The following DLGAP2 variants were observed in gnomAD, a reference collection of about 807,000 sequenced individuals.
DLGAP2 encodes the protein DLG associated protein 2.
A neutral mutation model predicts 100.3 loss-of-function variants in DLGAP2; 26 were observed. The ratio of observed to expected loss-of-function variants is 0.26; its 90% CI spans 0.19 to 0.36. The LOEUF (loss-of-function observed/expected upper bound fraction) is 0.36, where lower values mean the gene tolerates loss of function less well. Among genes scored for constraint, DLGAP2 ranks in the 10% least tolerant of loss-of-function variants. DLGAP2 has a pLI of 1.00. For missense variants in DLGAP2, 1,858 were observed against 1,453.2 expected (o/e 1.28, Z -4.53); for synonymous variants, 886 against 630.1 (o/e 1.41, Z -6.08).
intron 3 of DLGAP2, among the ~76,000 whole-genome samples, chr8:1,260,514 A>C (rs1799324269): frequency 6.6e-6 from 1 of 152,152 alleles, no homozygotes; most frequent in African/African-American, 2.4e-5. Flanking sequence ...TTTCCCAGTA[A>C]ATCTGAATCC....
chr8:958,038 C>T (rs367660367), intron 2 of DLGAP2, among the ~76,000 whole-genome samples: 14 of 152,260 alleles, frequency 9.2e-5, no homozygotes, highest in African/African-American at 2.6e-4. Flanking sequence ...CAGCAGCCCT[C>T]GCTAACCCAC....
chr8:1,463,990 TGAAACCTGGAAGAAAAA>T (rs1467449281), intron 3 of DLGAP2, among the ~76,000 whole-genome samples: 3 of 152,146 alleles, frequency 2.0e-5, no homozygotes, highest in Admixed American at 6.5e-5. Context: ...AGGAAGGAGC[TGAAACCTGGAAGAAAAA>T]GACCAAAGTA....
chr8:958,797 T>C (rs1022443511), intron 2 of DLGAP2, among the ~76,000 whole-genome samples: 1 of 152,176 alleles, frequency 6.6e-6, no homozygotes, highest in East Asian at 1.9e-4. Flanking sequence ...AAAGGGCATA[T>C]TGTGAGACTT....
intron 3 of DLGAP2, among the ~76,000 whole-genome samples, chr8:1,294,898 T>TA (rs1800136515): frequency 6.6e-6 from 1 of 151,744 alleles, no homozygotes; most frequent in Admixed American, 6.6e-5. Context: ...CTTTTTTTTT[T>TA]AAGTTACTAA....
At chr8:1,086,967 A>G (rs1007797828) in intron 2 of DLGAP2, among the ~76,000 whole-genome samples, 1 of 152,236 alleles carries the variant, frequency 6.6e-6, no homozygotes, top group African/African-American at 2.4e-5. Flanking sequence ...CTTCTCAAGC[A>G]CACGTGGAAC....
At chr8:842,395 A>C (rs1407603412) in intron 1 of DLGAP2, among the ~76,000 whole-genome samples, 3 of 152,088 alleles carry the variant, frequency 2.0e-5, no homozygotes, top group African/African-American at 7.2e-5. Flanking sequence ...TATTCCCCTA[A>C]CCTAACACAA....
intron 2 of DLGAP2, among the ~76,000 whole-genome samples, chr8:1,111,012 C>T (rs1272258742): frequency 6.6e-6 from 1 of 152,140 alleles, no homozygotes; most frequent in Non-Finnish European, 1.5e-5. Flanking sequence ...TGAGCAGCCT[C>T]TCCTTGTGCT....
chr8:944,737 C>G (rs1166504185), intron 2 of DLGAP2, among the ~76,000 whole-genome samples: 1 of 151,354 alleles, frequency 6.6e-6, no homozygotes, highest in Admixed American at 6.6e-5. Context: ...GCAGCCAATC[C>G]CTGCAGGTGA....
intron 2 of DLGAP2, among the ~76,000 whole-genome samples, chr8:1,072,604 G>A (rs112446509): frequency 1.3e-5 from 2 of 152,198 alleles, no homozygotes; most frequent in Non-Finnish European, 2.9e-5. Flanking sequence ...TTGGGTGTGT[G>A]TTCAGTGAAG....
chr8:1,498,108 TC>T (rs1372921026), intron 3 of DLGAP2, among the ~76,000 whole-genome samples: 2 of 152,184 alleles, frequency 1.3e-5, no homozygotes, highest in East Asian at 3.9e-4. Context: ...TCAAACATTT[TC>T]CGATTGGCCA....
At chr8:968,478 C>T (rs980727616) in intron 2 of DLGAP2, among the ~76,000 whole-genome samples, 1 of 152,166 alleles carries the variant, frequency 6.6e-6, no homozygotes, top group African/African-American at 2.4e-5. Flanking sequence ...CCACATTCCT[C>T]CAGGTCCTTG....
Position 960,037 on chromosome 8 carries a change from A to G in DLGAP2, c.73+52071A>G, listed in dbSNP as rs185370671. Among the ~76,000 whole-genome samples, 23 of 152,204 alleles carry G rather than the reference A, an allele frequency of 1.5e-4. 1 individual carries two copies. Among genetic ancestry groups the G allele is most frequent in the Admixed American group, 1.3e-3 (20 of 15,298 alleles). ...AGGATTATCCTCTCTGTTAGAAAGTAATAAAATCTTCAACCCTTAAGTTTT... is the reference window on the plus strand; with the variant it reads ...AGGATTATCCTCTCTGTTAGAAAGTGATAAAATCTTCAACCCTTAAGTTTT... On this transcript the variant is annotated intron_variant, in intron 2 of 14. Coordinates refer to ENST00000637795, the MANE Select transcript of DLGAP2 (RefSeq NM_001346810.2).
At chr8:1,510,230 C>T (rs1045578981) in intron 4 of DLGAP2, among the ~76,000 whole-genome samples, 1 of 152,148 alleles carries the variant, frequency 6.6e-6, no homozygotes, top group Non-Finnish European at 1.5e-5. Flanking sequence ...GCTGGCTTTC[C>T]CTGGACAACA....
intron 6 of DLGAP2, among the ~76,000 whole-genome samples, chr8:1,591,737 A>G (rs1206578051): frequency 6.6e-6 from 1 of 152,102 alleles, no homozygotes; most frequent in African/African-American, 2.4e-5. Context: ...TCCTGGCCCC[A>G]CATCACACCC....
intron 1 of DLGAP2, among the ~76,000 whole-genome samples, chr8:771,345 A>T (rs375201245): frequency 6.6e-6 from 1 of 152,248 alleles, no homozygotes; most frequent in East Asian, 1.9e-4. Context: ...GCTTAGATTT[A>T]AATACGTTTC....
Position 1,408,714 on chromosome 8 carries a change from G to A in DLGAP2, c.107-92652G>A, listed in dbSNP as rs80017786. Among the ~76,000 whole-genome samples the A allele has an allele frequency of 3.5e-3, 527 of 152,330 alleles. 10 individuals carry two copies. In the East Asian group the frequency reaches 0.047, roughly 14 times the overall value. On this transcript the variant is annotated intron_variant, in intron 3 of 14. Coordinates refer to ENST00000637795, the MANE Select transcript of DLGAP2 (RefSeq NM_001346810.2). ...TTTCAGGCTTTCACAGGACAGTGCA[G>A]AGGGTTTTCTGGTGAAAGCAGAACC...
At position 1,668,408 on chromosome 8, in the gene DLGAP2, G is replaced by T; in HGVS notation, c.1890G>T (p.Thr630=). Residue 630 remains threonine (T), a synonymous_variant, in exon 9 of 15, where the codon ACG becomes ACT. Coordinates refer to ENST00000637795, the MANE Select transcript of DLGAP2 (RefSeq NM_001346810.2). Reference sequence around the variant, plus strand: ...CCTCCAAGCCTCTGATCTCGGTGACGGCGCAGAGCAGCACCGAATCCACCC... The same window carrying T: ...CCTCCAAGCCTCTGATCTCGGTGACTGCGCAGAGCAGCACCGAATCCACCC... ...RTTSKPLISV[T]AQSSTESTQD... 6.2e-7 allele frequency: 1 copy of T among 1,600,120 alleles called. No individual in the cohort carries two copies. The highest frequency in any genetic ancestry group is 1.7e-4 in the Middle Eastern group (1 of 6,028).
At chr8:974,623 A>G (rs894660969) in intron 2 of DLGAP2, among the ~76,000 whole-genome samples, 1 of 152,242 alleles carries the variant, frequency 6.6e-6, no homozygotes, top group African/African-American at 2.4e-5. Context: ...ATATATAGAT[A>G]CTAAACAACA....
At chr8:1,173,584 A>G (rs987685996) in intron 2 of DLGAP2, among the ~76,000 whole-genome samples, 6 of 152,290 alleles carry the variant, frequency 3.9e-5, no homozygotes, top group African/African-American at 1.4e-4. Context: ...AGCCTGGGCA[A>G]TGGTGGGCGC....
Sources: gnomAD v4.1 joint callset for allele counts (sites outside exome capture counted in the v4.1 genomes callset) on GRCh38, gnomAD v4.1.1 for gene constraint, MANE v1.5 for transcripts, NCBI Gene and HGNC (gene_info 2026-07-23, HGNC 2026-07-21) for gene names.